The following RBFOX1 variants were observed in gnomAD, a reference collection of about 807,000 sequenced individuals.
RBFOX1 encodes the protein RNA binding protein fox-1 homolog 1.
In RBFOX1, 8 loss-of-function variants were observed where a neutral mutation model predicts 57.7. The observed-to-expected ratio is 0.14, with a 90% confidence interval of 0.08 to 0.25. The LOEUF (loss-of-function observed/expected upper bound fraction) is 0.25. Ranked by LOEUF, RBFOX1 falls within the 10% of genes least tolerant of loss-of-function variation. The pLI is 1.00. For missense variants in RBFOX1, 611 were observed against 548.5 expected (o/e 1.11, Z -1.14); for synonymous variants, 326 against 222.4 (o/e 1.47, Z -4.15).
intron 4 of RBFOX1, among the ~76,000 whole-genome samples, chr16:7,176,975 G>T (rs150799513): frequency 6.6e-6 from 1 of 152,120 alleles, no homozygotes; most frequent in Non-Finnish European, 1.5e-5. Context: ...TTACAAGGTA[G>T]TTTTCAATAG....
intron 2 of RBFOX1, among the ~76,000 whole-genome samples, chr16:6,612,952 C>T (rs2154026783): frequency 6.6e-6 from 1 of 151,524 alleles, no homozygotes; most frequent in African/African-American, 2.4e-5. Flanking sequence ...ACAAACAAAG[C>T]CCCCGTACAG....
intron 3 of RBFOX1, among the ~76,000 whole-genome samples, chr16:6,770,278 A>C (rs1446241155): frequency 6.6e-6 from 1 of 152,212 alleles, no homozygotes; most frequent in Non-Finnish European, 1.5e-5. Flanking sequence ...CATTTTACTT[A>C]AACTTGACCA....
intron 4 of RBFOX1, among the ~76,000 whole-genome samples, chr16:7,373,472 C>G (rs75812653): frequency 0.011 from 1,605 of 152,254 alleles, 29 homozygotes; most frequent in African/African-American, 0.037. Context: ...GATGTCCGTT[C>G]TCTCCTGGCA....
intron 3 of RBFOX1, among the ~76,000 whole-genome samples, chr16:6,739,969 CAAG>C (rs1316251434): frequency 1.3e-5 from 2 of 152,080 alleles, no homozygotes; most frequent in East Asian, 1.9e-4. Flanking sequence ...ACAAAAGAAA[CAAG>C]AAAACTGCAA....
chr16:6,211,101 C>T (rs1399857447), intron 1 of RBFOX1, among the ~76,000 whole-genome samples: 1 of 136,644 alleles, frequency 7.3e-6, no homozygotes, highest in Non-Finnish European at 1.7e-5. Flanking sequence ...TAGACCCTTA[C>T]TCCAGGGGAT....
intron 1 of RBFOX1, among the ~76,000 whole-genome samples, chr16:5,291,846 G>T (rs748990901): frequency 6.6e-6 from 1 of 152,158 alleles, no homozygotes; most frequent in Non-Finnish European, 1.5e-5. Context: ...ATGTGGGTTG[G>T]GTTGGCTGGA....
At chr16:7,234,418 G>T (rs950284986) in intron 4 of RBFOX1, among the ~76,000 whole-genome samples, 3 of 152,014 alleles carry the variant, frequency 2.0e-5, no homozygotes, top group Non-Finnish European at 4.4e-5. Flanking sequence ...CCTTTGGGAG[G>T]TAAAAGCTAA....
At chr16:7,371,983 A>G (rs2097574935) in intron 4 of RBFOX1, among the ~76,000 whole-genome samples, 1 of 151,962 alleles carries the variant, frequency 6.6e-6, no homozygotes, top group African/African-American at 2.4e-5. Context: ...TTTCCATTAT[A>G]AACATTACTG....
intron 3 of RBFOX1, among the ~76,000 whole-genome samples, chr16:7,004,802 C>T (rs773259529): frequency 6.6e-6 from 1 of 152,120 alleles, no homozygotes; most frequent in African/African-American, 2.4e-5. Flanking sequence ...CCACGTGTCT[C>T]TATAAGTGGC....
chr16:7,309,242 G>C (rs1325652676), intron 4 of RBFOX1, among the ~76,000 whole-genome samples: 2 of 152,222 alleles, frequency 1.3e-5, no homozygotes, highest in Non-Finnish European at 2.9e-5. Flanking sequence ...ATGTTAGGCT[G>C]TTATCAGCCA....
At chr16:6,328,735 A>G (rs2082662243) in intron 2 of RBFOX1, among the ~76,000 whole-genome samples, 1 of 146,196 alleles carries the variant, frequency 6.8e-6, no homozygotes, top group South Asian at 2.3e-4. Flanking sequence ...TTAAATAAAA[A>G]TTCCTTTTTG....
intron 3 of RBFOX1, among the ~76,000 whole-genome samples, chr16:7,038,863 C>G (rs1250611467): frequency 6.6e-6 from 1 of 152,160 alleles, no homozygotes; most frequent in African/African-American, 2.4e-5. Flanking sequence ...AGCACTTCCT[C>G]CCAAGAAAAC....
At chr16:6,262,110 G>C (rs1440999459) in intron 1 of RBFOX1, among the ~76,000 whole-genome samples, 1 of 152,122 alleles carries the variant, frequency 6.6e-6, no homozygotes, top group East Asian at 1.9e-4. Context: ...AGACAGAGGT[G>C]CAGAGACTCC....
chr16:6,312,091 C>A (rs774876867), intron 1 of RBFOX1, among the ~76,000 whole-genome samples: 2 of 152,198 alleles, frequency 1.3e-5, no homozygotes, highest in Non-Finnish European at 2.9e-5. Flanking sequence ...AAAATCCCAA[C>A]TTAGGTGAGG....
intron 2 of RBFOX1, among the ~76,000 whole-genome samples, chr16:5,518,254 T>G (rs987020428): frequency 1.8e-4 from 27 of 152,190 alleles, no homozygotes; most frequent in African/African-American, 6.3e-4. Context: ...CATCGTATAC[T>G]GACTGCTGGA....
chr16:6,937,485 T>C (rs192179424), intron 3 of RBFOX1, among the ~76,000 whole-genome samples: 141 of 152,270 alleles, frequency 9.3e-4, no homozygotes, highest in African/African-American at 3.3e-3. Context: ...AGATATTTAT[T>C]CTGAGTGACA....
chr16:6,121,767 T>A (rs538939069), intron 1 of RBFOX1, among the ~76,000 whole-genome samples: 5 of 152,302 alleles, frequency 3.3e-5, no homozygotes, highest in African/African-American at 1.2e-4. Flanking sequence ...TTCATTGATC[T>A]CTCTCAGACT....
intron 1 of RBFOX1, among the ~76,000 whole-genome samples, chr16:5,327,432 A>G (rs540694580): frequency 3.1e-4 from 47 of 152,362 alleles, no homozygotes; most frequent in Non-Finnish European, 5.9e-4. Context: ...TTTCAGTCCC[A>G]GGAAATGATC....
Position 6,787,906 on chromosome 16 carries a change from C to G in RBFOX1, c.-16+133256C>G, listed in dbSNP as rs565789862. Among the ~76,000 whole-genome samples the G allele has an allele frequency of 5.9e-5, 9 of 152,266 alleles. No homozygotes were observed. The East Asian group carries it at 7.7e-4, about 13-fold the overall frequency. On this transcript the variant is annotated intron_variant, in intron 3 of 15. Coordinates refer to ENST00000550418, the MANE Select transcript of RBFOX1 (RefSeq NM_018723.4). ...AGAAGTTTTAATATTAATAGCCAAT[C>G]TGTCATTACTAAACAGCTGGTGAAA...
Sources: allele counts gnomAD v4.1 joint callset (sites outside exome capture counted in the v4.1 genomes callset), GRCh38; gene constraint gnomAD v4.1.1; transcripts MANE v1.5; gene names NCBI Gene and HGNC (gene_info 2026-07-23, HGNC 2026-07-21).